The following CYTIP variants were observed in gnomAD, a reference collection of about 807,000 sequenced individuals.
CYTIP encodes the protein cytohesin-interacting protein.
In CYTIP, 26 loss-of-function variants were observed where a neutral mutation model predicts 43.8. The ratio of observed to expected loss-of-function variants is 0.59; its 90% confidence interval spans 0.44 to 0.82. The LOEUF (loss-of-function observed/expected upper bound fraction) is 0.82, where lower values mean the gene tolerates loss of function less well. Among genes scored for constraint, CYTIP ranks in the 40% least tolerant of loss-of-function variants. CYTIP has a pLI of 0.00. For synonymous variants in CYTIP, 162 were observed against 162.9 expected (o/e 0.99, Z 0.04); for missense variants, 426 against 443.1 (o/e 0.96, Z 0.35).
At chr2:157,437,142 G>A (rs1415345320) in intron 1 of CYTIP, among the ~76,000 whole-genome samples, 1 of 152,054 alleles carries the variant, frequency 6.6e-6, no homozygotes, top group Non-Finnish European at 1.5e-5. Flanking sequence ...AAAGGCTTTA[G>A]CATATTGGAT....
intron 2 of CYTIP, 119 bp from the exon 3 acceptor site, chr2:157,434,543 AG>A: frequency 1.1e-6 from 1 of 940,764 alleles, no homozygotes; most frequent in Non-Finnish European, 1.7e-6. Context: ...TGTAAATTGT[AG>A]TATGTAAGAT....
intron 6 of CYTIP, among the ~76,000 whole-genome samples, chr2:157,423,685 A>G (rs1216472897): frequency 1.3e-5 from 2 of 152,054 alleles, no homozygotes; most frequent in Non-Finnish European, 2.9e-5. Flanking sequence ...AAGAAAATAA[A>G]ATTACAGGCC....
chr2:157,432,654 A>T (rs1457533198), intron 3 of CYTIP, among the ~76,000 whole-genome samples: 1 of 152,198 alleles, frequency 6.6e-6, no homozygotes, highest in Non-Finnish European at 1.5e-5. Context: ...GCATAAAACT[A>T]GCTCCCATGG....
In CYTIP at chr2:157,415,101, C is replaced by T. The variant is rs902927266; in HGVS notation, c.*576G>A. On this transcript the variant is annotated 3_prime_UTR_variant, in exon 8 of 8. Coordinates refer to ENST00000264192, the MANE Select transcript of CYTIP (RefSeq NM_004288.5). Reference sequence around the variant, plus strand: ...CACATCTTTCCATGGTTCTCATGAACCTTAACCCCTCCTATTAAATCTTAT... The same window carrying T: ...CACATCTTTCCATGGTTCTCATGAATCTTAACCCCTCCTATTAAATCTTAT... The T allele has an allele frequency of 6.5e-6, 1 of 152,954 alleles. No individual in the cohort carries two copies. The highest frequency in any genetic ancestry group is 1.5e-5 in the Non-Finnish European group (1 of 68,586). 9.5% of individuals were successfully genotyped at this position (152,954 alleles called of 1,614,324 possible). A position where few individuals can be genotyped will look rare whatever the true frequency, so the allele number is the denominator to read the frequency against.
intron 1 of CYTIP, among the ~76,000 whole-genome samples, chr2:157,437,519 G>A: frequency 6.6e-6 from 1 of 151,866 alleles, no homozygotes; most frequent in Non-Finnish European, 1.5e-5. Context: ...TGGCCAACAT[G>A]GTAAAACCCC....
intron 1 of CYTIP, 96 bp from the exon 2 acceptor site, chr2:157,434,843 TCTCTCTCA>T (rs1281799366): frequency 8.5e-4 from 320 of 376,918 alleles, no homozygotes; most frequent in African/African-American, 2.5e-3. Flanking sequence ...TCTCTCTCTC[TCTCTCTCA>T]CACACACACA....
intron 1 of CYTIP, among the ~76,000 whole-genome samples, chr2:157,439,869 G>A (rs1685876466): frequency 6.6e-6 from 1 of 152,152 alleles, no homozygotes; most frequent in Non-Finnish European, 1.5e-5. Flanking sequence ...AATTTCTTCT[G>A]CTCTGCAGTG....
Position 157,443,876 on chromosome 2 carries a change from C to G in CYTIP, c.145G>C (p.Val49Leu). The G allele has an allele frequency of 6.2e-7, 1 of 1,614,120 alleles. No homozygotes were observed. The highest frequency in any genetic ancestry group is 1.1e-5 in the South Asian group (1 of 91,084). Residue 49 changes from valine to leucine, a missense_variant, in exon 1 of 8, where the codon GTG becomes CTG. Coordinates refer to ENST00000264192, the MANE Select transcript of CYTIP (RefSeq NM_004288.5). ...NRRIQMLADT[V>L]ATLPRGRKQL... ...TTTCGTCCCCGAGGCAGAGTAGCCA[C>G]CGTGTCTGCTAGCATTTGAATCCTT...
intron 4 of CYTIP, 27 bp downstream of exon 4, chr2:157,430,833 C>T: frequency 6.3e-7 from 1 of 1,583,854 alleles, no homozygotes. Flanking sequence ...TTAAATGATT[C>T]CTAACATGAG....
chr2:157,420,490 C>T (rs1685505312), intron 6 of CYTIP, among the ~76,000 whole-genome samples: 1 of 151,948 alleles, frequency 6.6e-6, no homozygotes, highest in South Asian at 2.1e-4. Context: ...TACTCCACCC[C>T]AGGCAACAAG....
At chr2:157,434,314 A>C in intron 3 of CYTIP, 56 bp downstream of exon 3, 23 of 1,318,976 alleles carry the variant, frequency 1.7e-5, no homozygotes, top group Non-Finnish European at 2.4e-5. Flanking sequence ...ACATAACATG[A>C]CACTACCGGT....
chr2:157,423,058 CA>C (rs1325239622), intron 6 of CYTIP, among the ~76,000 whole-genome samples: 1 of 151,608 alleles, frequency 6.6e-6, no homozygotes, highest in Admixed American at 6.6e-5. Context: ...AGGTATATTC[CA>C]AAAAGATTGA....
intron 1 of CYTIP, among the ~76,000 whole-genome samples, chr2:157,440,268 A>G (rs16841782): frequency 0.064 from 9,716 of 152,190 alleles, 718 homozygotes; most frequent in African/African-American, 0.18. Flanking sequence ...TCCACAGACT[A>G]TTCAAAGATG....
chr2:157,421,826 A>G (rs576645199), intron 6 of CYTIP, among the ~76,000 whole-genome samples: 2 of 152,240 alleles, frequency 1.3e-5, no homozygotes, highest in Non-Finnish European at 2.9e-5. Context: ...TTTTGGCTCA[A>G]GAGTTAAACG....
intron 1 of CYTIP, among the ~76,000 whole-genome samples, chr2:157,440,012 G>C (rs1353183693): frequency 6.6e-6 from 1 of 152,162 alleles, no homozygotes; most frequent in Non-Finnish European, 1.5e-5. Flanking sequence ...CAACACTTTA[G>C]CCACTTCTGG....
chr2:157,436,564 T>C (rs796276548), intron 1 of CYTIP, among the ~76,000 whole-genome samples: 22 of 152,098 alleles, frequency 1.4e-4, no homozygotes, highest in African/African-American at 5.3e-4. Context: ...ATATTATTCA[T>C]ATATCCATAT....
rs564848036 is a variant in CYTIP at position 157,428,377 on chromosome 2, G to T, written c.477-957C>A. Among the ~76,000 whole-genome samples the T allele has an allele frequency of 1.3e-3, 196 of 152,294 alleles. 2 individuals are homozygous for T. In the South Asian group the frequency reaches 0.016, roughly 12 times the overall value. Reference sequence around the variant, plus strand: ...AGTCTTCTACTTCTAATAGCATCATGCCAGGAATAATCAGGTGGTAGCAAG... The same window carrying T: ...AGTCTTCTACTTCTAATAGCATCATTCCAGGAATAATCAGGTGGTAGCAAG... On this transcript the variant is annotated intron_variant, in intron 5 of 7. Transcript: ENST00000264192.
intron 6 of CYTIP, among the ~76,000 whole-genome samples, chr2:157,423,194 G>C (rs1685551456): frequency 6.6e-6 from 1 of 151,688 alleles, no homozygotes; most frequent in African/African-American, 2.4e-5. Flanking sequence ...GATCAATAAG[G>C]ACAAAAGAAT....
chr2:157,443,866 A>G lies in CYTIP; in HGVS notation c.155T>C (p.Leu52Pro), dbSNP rs1205272220. The change falls in exon 1 of 8, where the codon CTG becomes CCG. Residue 52 changes from leucine to proline, a missense_variant. By Grantham distance (98) the Leu-to-Pro change is moderately conservative. Transcript: ENST00000264192. ...IQMLADTVATLPRGRKQLALT... is the reference protein window; with the variant it reads ...IQMLADTVATPPRGRKQLALT... Reference sequence around the variant, plus strand: ...TCATACCTGCTTTCGTCCCCGAGGCAGAGTAGCCACCGTGTCTGCTAGCAT... The same window carrying G: ...TCATACCTGCTTTCGTCCCCGAGGCGGAGTAGCCACCGTGTCTGCTAGCAT... 1 of 1,614,108 alleles carries G rather than the reference A, an allele frequency of 6.2e-7. No homozygotes were observed. Among genetic ancestry groups the G allele is most frequent in the South Asian group, 1.1e-5 (1 of 91,084 alleles).
Sources: gnomAD v4.1 joint callset for allele counts (sites outside exome capture counted in the v4.1 genomes callset) on GRCh38, gnomAD v4.1.1 for gene constraint, MANE v1.5 for transcripts, NCBI Gene and HGNC (gene_info 2026-07-23, HGNC 2026-07-21) for gene names.